NKD1: variants seen among roughly 807,000 people sequenced by gnomAD.
NKD1 encodes protein naked cuticle homolog 1.
Under a neutral mutation model 56.0 loss-of-function variants are expected in NKD1, and 21 were observed. That is an observed-to-expected ratio of 0.38 (90% CI 0.27 to 0.54). NKD1 has a LOEUF of 0.54. Ranked by LOEUF, NKD1 falls within the 20% of genes least tolerant of loss-of-function variation. The pLI, the probability that NKD1 is intolerant of heterozygous loss-of-function variation, is 0.82. For missense variants in NKD1, 578 were observed against 642.7 expected (o/e 0.90, Z 1.09); for synonymous variants, 263 against 265.7 (o/e 0.99, Z 0.10).
intron 3 of NKD1, among the ~76,000 whole-genome samples, chr16:50,567,759 C>G (rs993128349): frequency 6.6e-6 from 1 of 152,174 alleles, no homozygotes; most frequent in South Asian, 2.1e-4. Context: ...GGGTATTGTT[C>G]TGGTAGAAAT....
At position 50,638,229 on chromosome 16, in the gene NKD1, AG is replaced by A; in HGVS notation, c.*4452del. The A allele has an allele frequency of 6.6e-6, 1 of 152,250 alleles. No individual in the cohort carries two copies. The highest frequency in any genetic ancestry group is 1.5e-5 in the Non-Finnish European group (1 of 68,010). 9.4% of individuals were successfully genotyped at this position (152,250 alleles called of 1,614,324 possible). A position where few individuals can be genotyped will look rare whatever the true frequency, so the allele number is the denominator to read the frequency against. ...GCCTGTCAGTGCTCTCAGGAATGAA[AG>A]GGGACCCCTGAGAGGTGCTCAGTAC... On this transcript the variant is annotated 3_prime_UTR_variant, in exon 10 of 10. Coordinates refer to ENST00000268459, the MANE Select transcript of NKD1 (RefSeq NM_033119.5).
At chr16:50,565,020 C>T (rs1480572149) in intron 3 of NKD1, among the ~76,000 whole-genome samples, 2 of 152,086 alleles carry the variant, frequency 1.3e-5, no homozygotes, top group Admixed American at 6.6e-5. Context: ...GCCAACAAGA[C>T]CAGGAAGCAT....
Position 50,549,478 on chromosome 16 carries a change from G to A in NKD1, c.115G>A (p.Gly39Arg), listed in dbSNP as rs781157182. The A allele has an allele frequency of 1.2e-6, 2 of 1,610,776 alleles. No homozygotes were observed. Among genetic ancestry groups the A allele is most frequent in the Non-Finnish European group, 1.7e-6 (2 of 1,178,710 alleles). Reference protein sequence around the residue: ...WARKGIEEWIGRQRCPGGVSG... With the variant: ...WARKGIEEWIRRQRCPGGVSG... ...TCGGAAGGGCATCGAGGAGTGGATCGGGAGACAGCGCTGCCCGGGCGGTGT... is the reference window on the plus strand; with the variant it reads ...TCGGAAGGGCATCGAGGAGTGGATCAGGAGACAGCGCTGCCCGGGCGGTGT... The change falls in exon 3 of 10, where the codon GGG (glycine) becomes AGG (arginine). Residue 39 changes from glycine (G) to arginine (R), a missense_variant. Physicochemically the swap from Gly to Arg is moderately radical, Grantham distance 125 (BLOSUM62 -2). Coordinates refer to ENST00000268459, the MANE Select transcript of NKD1 (RefSeq NM_033119.5).
chr16:50,577,252 G>A (rs893187573), intron 3 of NKD1, among the ~76,000 whole-genome samples: 1 of 152,116 alleles, frequency 6.6e-6, no homozygotes, highest in Non-Finnish European at 1.5e-5. Flanking sequence ...TTGGGTGGGT[G>A]GGTAGAGTAT....
intron 3 of NKD1, among the ~76,000 whole-genome samples, chr16:50,602,790 G>A (rs899431773): frequency 3.9e-5 from 6 of 152,224 alleles, no homozygotes; most frequent in African/African-American, 1.2e-4. Flanking sequence ...CCCTCTGCCC[G>A]GGAGATCTGC....
chr16:50,549,432 C>G lies in NKD1; in HGVS notation c.69C>G (p.Phe23Leu). 1 of 1,611,286 alleles carries G rather than the reference C, an allele frequency of 6.2e-7. No individual in the cohort carries two copies. Among genetic ancestry groups the G allele is most frequent in the Non-Finnish European group, 8.5e-7 (1 of 1,178,882 alleles). The change falls in exon 3 of 10, where the codon TTC (phenylalanine) becomes TTG (leucine). Residue 23 changes from phenylalanine to leucine, a missense_variant. Transcript: ENST00000268459. ...KRRESPEGDS[F>L]AVSAAWARKG... is the part of the protein sequence containing the mutation. ...TCGTCCCCGTCCCAGGTGACAGCTT[C>G]GCCGTGAGCGCTGCCTGGGCTCGGA...
intron 3 of NKD1, among the ~76,000 whole-genome samples, chr16:50,586,782 C>T (rs1247325715): frequency 6.6e-6 from 1 of 152,212 alleles, no homozygotes; most frequent in African/African-American, 2.4e-5. Context: ...TTGGATACCT[C>T]CTGTGACAGG....
chr16:50,548,422 A>T lies in NKD1; in HGVS notation c.-132A>T. On this transcript the variant is annotated 5_prime_UTR_variant, in exon 1 of 10. Coordinates refer to ENST00000268459, the MANE Select transcript of NKD1 (RefSeq NM_033119.5). ...GTCGGGCCGCGGCGACGGCGGCAGGAGCGCGTCCCGGCGCCGCCTCGGGCT... is the reference window on the plus strand; with the variant it reads ...GTCGGGCCGCGGCGACGGCGGCAGGTGCGCGTCCCGGCGCCGCCTCGGGCT... 1 of 214,378 alleles carries T rather than the reference A, an allele frequency of 4.7e-6. No individual in the cohort carries two copies. 13.3% of individuals were successfully genotyped at this position (214,378 alleles called of 1,614,324 possible). A position where few individuals can be genotyped will look rare whatever the true frequency, so the allele number is the denominator to read the frequency against.
rs962347540 is a variant in NKD1, at chr16:50,614,906, G to A, written c.259+6546G>A. On this transcript the variant is annotated intron_variant, in intron 4 of 9. Transcript: ENST00000268459. ...ACTTGGAAAGGGCCCGTGTAGGTGA[G>A]AGGGCCCAGAAGCCTAGCTTCATTA... Among the ~76,000 whole-genome samples the A allele has an allele frequency of 2.0e-5, 3 of 152,162 alleles. No homozygotes were observed. In the South Asian group the frequency reaches 6.2e-4, roughly 32 times the overall value.
In NKD1 at chr16:50,647,705, T is replaced by C. The variant is rs1347145951; in HGVS notation, c.*13924T>C. 2 of 152,224 alleles carry C rather than the reference T, an allele frequency of 1.3e-5. No homozygotes were observed. The highest frequency in any genetic ancestry group is 4.8e-5 in the African/African-American group (2 of 41,458). 9.4% of individuals were successfully genotyped at this position (152,224 alleles called of 1,614,324 possible). ...TGCATAGGCATAGGCTTCAGCAGAA[T>C]TGCAGGTACTGGCAGTCGGAAATTG... On this transcript the variant is annotated 3_prime_UTR_variant, in exon 10 of 10. Coordinates refer to ENST00000268459, the MANE Select transcript of NKD1 (RefSeq NM_033119.5).
At chr16:50,580,193 G>A (rs183972472) in intron 3 of NKD1, among the ~76,000 whole-genome samples, 1 of 152,354 alleles carries the variant, frequency 6.6e-6, no homozygotes, top group East Asian at 1.9e-4. Flanking sequence ...TTTTAGTTTT[G>A]ATTTGAGAAT....
intron 4 of NKD1, among the ~76,000 whole-genome samples, chr16:50,619,262 G>A (rs1962033550): frequency 6.6e-6 from 1 of 151,990 alleles, no homozygotes; most frequent in African/African-American, 2.4e-5. Context: ...TATTACTCTG[G>A]TTTCTCCGGT....
At chr16:50,563,114 T>G (rs1304272390) in intron 3 of NKD1, among the ~76,000 whole-genome samples, 1 of 152,182 alleles carries the variant, frequency 6.6e-6, no homozygotes, top group Non-Finnish European at 1.5e-5. Context: ...TGGGAACCTG[T>G]GGCTTAGAAT....
Position 50,642,595 on chromosome 16 carries a change from A to C in NKD1, c.*8814A>C, listed in dbSNP as rs1455832985. On this transcript the variant is annotated 3_prime_UTR_variant, in exon 10 of 10. Coordinates refer to ENST00000268459, the MANE Select transcript of NKD1 (RefSeq NM_033119.5). ...TGGGGCTAATTGGGGTAACTACCTT[A>C]CTGAGCTGTTATGAGTAAATGATCC... The C allele has an allele frequency of 1.3e-5, 2 of 152,254 alleles. No homozygotes were observed. The highest frequency in any genetic ancestry group is 2.9e-5 in the Non-Finnish European group (2 of 68,086). 9.4% of individuals were successfully genotyped at this position (152,254 alleles called of 1,614,324 possible).
At chr16:50,564,892 C>T (rs760147412) in intron 3 of NKD1, among the ~76,000 whole-genome samples, 3 of 152,204 alleles carry the variant, frequency 2.0e-5, no homozygotes, top group Non-Finnish European at 2.9e-5. Context: ...CCTCCGCCCA[C>T]CTCCACCTCC....
At chr16:50,593,559 G>C (rs1174627406) in intron 3 of NKD1, among the ~76,000 whole-genome samples, 1 of 152,196 alleles carries the variant, frequency 6.6e-6, no homozygotes, top group African/African-American at 2.4e-5. Context: ...CTTGGGTTGT[G>C]TGCCCGGCCC....
intron 3 of NKD1, among the ~76,000 whole-genome samples, chr16:50,599,897 G>A (rs1332419921): frequency 6.6e-6 from 1 of 152,110 alleles, no homozygotes; most frequent in African/African-American, 2.4e-5. Flanking sequence ...TGTTGGTGTT[G>A]GTGTTTTGGG....
At chr16:50,572,903 C>G (rs1960914834) in intron 3 of NKD1, 1 of 983,300 alleles carries the variant, frequency 1.0e-6, no homozygotes, top group African/African-American at 1.7e-5. Flanking sequence ...GGGTGCTGAC[C>G]TGCCCCGTGC....
intron 3 of NKD1, among the ~76,000 whole-genome samples, chr16:50,579,703 G>A (rs1387144828): frequency 6.9e-6 from 1 of 145,080 alleles, no homozygotes; most frequent in South Asian, 2.2e-4. Context: ...TTACTCCTGC[G>A]GGCTACCCGC....
Sources: gnomAD v4.1 joint callset for allele counts (sites outside exome capture counted in the v4.1 genomes callset) on GRCh38, gnomAD v4.1.1 for gene constraint, MANE v1.5 for transcripts, NCBI Gene and HGNC (gene_info 2026-07-23, HGNC 2026-07-21) for gene names.